The following STRBP variants were observed in gnomAD, a reference collection of about 807,000 sequenced individuals.
The protein encoded by STRBP is spermatid perinuclear RNA-binding protein.
STRBP carries 13 observed loss-of-function variants against 80.1 expected under a neutral mutation model. That is an observed-to-expected ratio of 0.16 (90% CI 0.11 to 0.26). STRBP has a LOEUF of 0.26. STRBP is among the 10% of genes least tolerant of loss of function. The pLI, the probability that STRBP is intolerant of heterozygous loss-of-function variation, is 1.00. For missense variants in STRBP, 485 were observed against 815.2 expected (o/e 0.59, Z 4.93); for synonymous variants, 284 against 291.2 (o/e 0.98, Z 0.25).
rs1174797287 is a variant in STRBP at position 123,122,247 on chromosome 9, A to C, written c.*3350T>G. On this transcript the variant is annotated 3_prime_UTR_variant, in exon 19 of 19. Coordinates refer to ENST00000348403, the MANE Select transcript of STRBP (RefSeq NM_018387.5). ...CACTATATCTCAGCCTATTTTATAC[A>C]AGTGATATGGCTACGAAGGTCCGAG... 4 of 1,068,452 alleles carry C rather than the reference A, an allele frequency of 3.7e-6. No homozygotes were observed. In the East Asian group the frequency reaches 2.4e-4, roughly 63 times the overall value. The allele number at this position is 1,068,452 out of a possible 1,614,324, so 66.2% of individuals were successfully genotyped here.
At chr9:123,118,742 T>A (rs2035684624), downstream of STRBP, among the ~76,000 whole-genome samples, 1 of 152,164 alleles carries the variant, frequency 6.6e-6, no homozygotes, top group Admixed American at 6.5e-5. Context: ...CGTAACGCAG[T>A]TTTTATAAAC....
intron 16 of STRBP, chr9:123,135,838 T>C (rs930691313): frequency 3.9e-6 from 2 of 514,548 alleles, no homozygotes; most frequent in South Asian, 2.6e-5. Flanking sequence ...CATGTACATA[T>C]ATATTTTGTT....
intron 17 of STRBP, among the ~76,000 whole-genome samples, chr9:123,131,112 T>C (rs1166240728): frequency 6.6e-6 from 1 of 152,204 alleles, no homozygotes; most frequent in Non-Finnish European, 1.5e-5. Flanking sequence ...GCTAGAACCA[T>C]TTGAACTCTT....
chr9:123,226,954 A>G (rs1033522926), intron 2 of STRBP, among the ~76,000 whole-genome samples: 8 of 152,212 alleles, frequency 5.3e-5, no homozygotes, highest in Admixed American at 2.0e-4. Context: ...ACGTCATAAC[A>G]TGGTGGAAGG....
At position 123,143,696 on chromosome 9, in the gene STRBP, A is replaced by G. The variant is rs146051605; in HGVS notation, c.1338+3159T>C. 3.3e-3 allele frequency among the ~76,000 whole-genome samples: 508 copies of G among 152,342 alleles called. 4 individuals carry two copies. Among genetic ancestry groups the G allele is most frequent in the African/African-American group, 0.012 (490 of 41,570 alleles). On this transcript the variant is annotated intron_variant, in intron 13 of 18. Coordinates refer to ENST00000348403, the MANE Select transcript of STRBP (RefSeq NM_018387.5). ...AATGTATTTATCTTTTGACCCAATA[A>G]TTCTATCTCTAGAATATATCTTAAG...
In STRBP at chr9:123,126,493, T is replaced by C. The variant is rs1168664064; in HGVS notation, c.1943-820A>G. 6.6e-6 allele frequency among the ~76,000 whole-genome samples: 1 copy of C among 152,032 alleles called. No individual in the cohort carries two copies. The highest frequency in any genetic ancestry group is 1.5e-5 in the Non-Finnish European group (1 of 68,030). On this transcript the variant is annotated intron_variant, in intron 18 of 18. Transcript: ENST00000348403. This position sits in a 1 kb window ranked among gnomAD's most constrained non-coding sequence, Gnocchi z 4.4. ...TTTCACCAGCTTTGGAAGTCAGTTA[T>C]ATGGCACGTGGAAGAGAGGAGCTTT...
chr9:123,209,499 G>A (rs530782769), intron 2 of STRBP, among the ~76,000 whole-genome samples: 2 of 152,324 alleles, frequency 1.3e-5, no homozygotes, highest in African/African-American at 4.8e-5. Context: ...TACACAATAT[G>A]TTATTTTTGT....
chr9:123,125,962 T>C (rs946398342), intron 18 of STRBP, among the ~76,000 whole-genome samples: 2 of 152,242 alleles, frequency 1.3e-5, no homozygotes, highest in East Asian at 3.8e-4. Context: ...AGCAATGCTA[T>C]TGAATCATGT....
intron 6 of STRBP, among the ~76,000 whole-genome samples, chr9:123,166,751 CCAGCAACAACAA>C (rs576756066): frequency 0.071 from 5,689 of 80,062 alleles, 142 homozygotes; most frequent in Middle Eastern, 0.16. Context: ...AAGACTGTCT[CCAGCAACAACAA>C]CAACAACAAC....
intron 1 of STRBP, among the ~76,000 whole-genome samples, chr9:123,252,626 A>G (rs970983599): frequency 6.6e-6 from 1 of 152,244 alleles, no homozygotes; most frequent in Non-Finnish European, 1.5e-5. Flanking sequence ...AGCGAAAGTC[A>G]CAAGGTCACT....
At position 123,201,968 on chromosome 9, in the gene STRBP, G is replaced by A. The variant is rs1361241290; in HGVS notation, c.-164-17670C>T. Among the ~76,000 whole-genome samples, 3 of 152,118 alleles carry A rather than the reference G, an allele frequency of 2.0e-5. No homozygotes were observed. In the East Asian group the frequency reaches 5.8e-4, roughly 29 times the overall value. ...AACTTTAGAATTGTAATATCTTGTT[G>A]AATTGATTGTTTTATTATTATATAG... On this transcript the variant is annotated intron_variant, in intron 2 of 18. Transcript: ENST00000348403.
At chr9:123,204,489 A>G (rs1052552469) in intron 2 of STRBP, among the ~76,000 whole-genome samples, 1 of 152,248 alleles carries the variant, frequency 6.6e-6, no homozygotes, top group Non-Finnish European at 1.5e-5. Context: ...CCAGAATAGT[A>G]CATGACTCCG....
chr9:123,158,254 A>G lies in STRBP; in HGVS notation c.933+78T>C, dbSNP rs773367830. ...GAAGTCCCTAACAACACACAAGAAA[A>G]AAGTGTTTGAACACAATTGAGAAAA... On this transcript the variant is annotated intron_variant, in intron 10 of 18. Coordinates refer to ENST00000348403, the MANE Select transcript of STRBP (RefSeq NM_018387.5). 566 of 1,547,428 alleles carry G rather than the reference A, an allele frequency of 3.7e-4. 1 individual carries two copies. The highest frequency in any genetic ancestry group is 1.0e-3 in the Middle Eastern group (6 of 5,926).
At position 123,253,869 on chromosome 9, in the gene STRBP, T is replaced by G. The variant is rs574389942; in HGVS notation, c.-302+14567A>C. ...ACCTTACTTGTCACAGCAAAGATTT[T>G]TATTCTAATTGCTTAAAAACTTTTC... On this transcript the variant is annotated intron_variant, in intron 1 of 18. Transcript: ENST00000348403. Among the ~76,000 whole-genome samples the G allele has an allele frequency of 5.9e-5, 9 of 152,330 alleles. No homozygotes were observed. In the East Asian group the frequency reaches 1.7e-3, roughly 29 times the overall value.
chr9:123,200,281 C>T (rs1564291892), intron 2 of STRBP, among the ~76,000 whole-genome samples: 1 of 152,176 alleles, frequency 6.6e-6, no homozygotes, highest in African/African-American at 2.4e-5. Context: ...TGATCATGAT[C>T]AATTATCTTT....
chr9:123,227,446 G>A (rs941564321), intron 2 of STRBP, among the ~76,000 whole-genome samples: 4 of 151,952 alleles, frequency 2.6e-5, no homozygotes, highest in African/African-American at 9.7e-5. Context: ...AGAGGTAACA[G>A]GGTCAGATGA....
intron 2 of STRBP, among the ~76,000 whole-genome samples, chr9:123,194,093 C>T (rs1349403439): frequency 6.6e-6 from 1 of 152,136 alleles, no homozygotes; most frequent in Admixed American, 6.5e-5. Context: ...ACCTAAAATG[C>T]AAGTAGGAGC....
intron 1 of STRBP, among the ~76,000 whole-genome samples, chr9:123,254,654 G>C (rs1235714559): frequency 6.6e-6 from 1 of 151,908 alleles, no homozygotes; most frequent in Non-Finnish European, 1.5e-5. Flanking sequence ...AAATAAAATT[G>C]CCAAGATTTA....
rs757480152 is a variant in STRBP at position 123,123,342 on chromosome 9, G to A, written c.*2255C>T. On this transcript the variant is annotated 3_prime_UTR_variant, in exon 19 of 19. Coordinates refer to ENST00000348403, the MANE Select transcript of STRBP (RefSeq NM_018387.5). ...GTGGAATTTTCATTACAAAATGGAA[G>A]GGTGGGAAGGGCAACAGGTGGGGGG... 645 of 985,332 alleles carry A rather than the reference G, an allele frequency of 6.5e-4. No homozygotes were observed. Among genetic ancestry groups the A allele is most frequent in the Non-Finnish European group, 7.5e-4 (623 of 829,916 alleles). 61.0% of individuals were successfully genotyped at this position (985,332 alleles called of 1,614,324 possible). A position where few individuals can be genotyped will look rare whatever the true frequency, so the allele number is the denominator to read the frequency against.
Sources: gnomAD v4.1 joint callset for allele counts (sites outside exome capture counted in the v4.1 genomes callset) on GRCh38, gnomAD v4.1.1 for gene constraint, Gnocchi (gnomAD v3.1) non-coding constraint, MANE v1.5 for transcripts, NCBI Gene and HGNC (gene_info 2026-07-23, HGNC 2026-07-21) for gene names.